AMN1: variants seen among roughly 807,000 people sequenced by gnomAD.
AMN1 encodes the protein antagonist of mitotic exit network 1 homolog.
A neutral mutation model predicts 33.0 loss-of-function variants in AMN1; 20 were observed. The observed-to-expected ratio is 0.61, with a 90% CI of 0.43 to 0.88. The LOEUF (loss-of-function observed/expected upper bound fraction) is 0.88, where lower values mean the gene tolerates loss of function less well. Ranked by LOEUF, AMN1 falls within the 40% of genes least tolerant of loss-of-function variation. The probability of loss-of-function intolerance (pLI) is 0.00; values close to 1 mark genes in which losing one functional copy is unlikely to be tolerated. For missense variants in AMN1, 246 were observed against 307.4 expected (o/e 0.80, Z 1.49); for synonymous variants, 114 against 111.9 (o/e 1.02, Z -0.12).
intron 1 of AMN1, among the ~76,000 whole-genome samples, chr12:31,719,657 T>C (rs953221558): frequency 6.6e-6 from 1 of 152,186 alleles, no homozygotes; most frequent in East Asian, 1.9e-4. Context: ...AGAGTAGGCA[T>C]GTAATTTGGT....
chr12:31,725,469 T>C (rs529460998), intron 1 of AMN1, among the ~76,000 whole-genome samples: 1 of 152,318 alleles, frequency 6.6e-6, no homozygotes, highest in East Asian at 1.9e-4. Flanking sequence ...AAACAACCTA[T>C]TACTATTTGG....
intron 6 of AMN1, among the ~76,000 whole-genome samples, chr12:31,681,907 A>C (rs1023140857): frequency 4.0e-5 from 6 of 151,780 alleles, no homozygotes; most frequent in Admixed American, 1.3e-4. Flanking sequence ...AAACTCCTGC[A>C]TTCAAGCGAT....
At chr12:31,722,853 A>T (rs2139732444) in intron 1 of AMN1, among the ~76,000 whole-genome samples, 1 of 152,276 alleles carries the variant, frequency 6.6e-6, no homozygotes, top group Non-Finnish European at 1.5e-5. Flanking sequence ...GCCAGCTGCT[A>T]GTTTTCAGAA....
At chr12:31,685,226 A>C (rs1319252510) in intron 6 of AMN1, among the ~76,000 whole-genome samples, 1 of 151,766 alleles carries the variant, frequency 6.6e-6, no homozygotes, top group Non-Finnish European at 1.5e-5. Context: ...ACAGGGTTTC[A>C]CCATGTTGGC....
intron 1 of AMN1, among the ~76,000 whole-genome samples, chr12:31,720,252 C>A (rs994401996): frequency 1.3e-5 from 2 of 152,192 alleles, no homozygotes; most frequent in Non-Finnish European, 2.9e-5. Flanking sequence ...ATTAAGAAGT[C>A]AGTCCCTGCC....
chr12:31,685,538 C>T (rs572163526), intron 6 of AMN1, among the ~76,000 whole-genome samples: 1 of 152,208 alleles, frequency 6.6e-6, no homozygotes, highest in Non-Finnish European at 1.5e-5. Flanking sequence ...TGGTAGCTCA[C>T]GCTTGTAATC....
chr12:31,686,931 C>A (rs1938288533), intron 6 of AMN1, among the ~76,000 whole-genome samples: 1 of 152,168 alleles, frequency 6.6e-6, no homozygotes, highest in African/African-American at 2.4e-5. Flanking sequence ...AAAGGGTATA[C>A]AATGACATTT....
At chr12:31,679,784 G>A (rs1937912861) in intron 6 of AMN1, among the ~76,000 whole-genome samples, 1 of 152,120 alleles carries the variant, frequency 6.6e-6, no homozygotes, top group South Asian at 2.1e-4. Context: ...GGTATGTGAG[G>A]TGAACTTACT....
At chr12:31,699,361 A>C (rs1219863175) in intron 3 of AMN1, among the ~76,000 whole-genome samples, 2 of 137,126 alleles carry the variant, frequency 1.5e-5, no homozygotes, top group Admixed American at 1.6e-4. Flanking sequence ...GCACCACTAC[A>C]CTCAAGCCTG....
intron 5 of AMN1, among the ~76,000 whole-genome samples, chr12:31,696,274 A>T (rs529132744): frequency 8.3e-4 from 74 of 89,580 alleles, no homozygotes; most frequent in Admixed American, 2.0e-3. Context: ...AAATTAAAAT[A>T]AAAAAGTATT....
At chr12:31,724,173 T>C (rs76430068) in intron 1 of AMN1, among the ~76,000 whole-genome samples, 4,213 of 152,266 alleles carry the variant, frequency 0.028, 331 homozygotes, top group East Asian at 0.27. Context: ...AAGTTTAATA[T>C]ATAAATTAGG....
intron 5 of AMN1, among the ~76,000 whole-genome samples, chr12:31,696,856 G>A (rs1435243614): frequency 1.3e-5 from 2 of 151,710 alleles, no homozygotes; most frequent in Non-Finnish European, 2.9e-5. Flanking sequence ...GGGAGGTGGA[G>A]GTTCCAGTGA....
At position 31,671,339 on chromosome 12, in the gene AMN1, C is replaced by A. The variant is rs956789555; in HGVS notation, c.*965G>T. ...ATGGAGTTGAATAAGTACCCCCCAACATATACAAGAAAGTTAGCATACTTA... is the reference window on the plus strand; with the variant it reads ...ATGGAGTTGAATAAGTACCCCCCAAAATATACAAGAAAGTTAGCATACTTA... On this transcript the variant is annotated 3_prime_UTR_variant, in exon 7 of 7. Transcript: ENST00000281471. The A allele has an allele frequency of 6.6e-6, 1 of 152,150 alleles. No individual in the cohort carries two copies. The highest frequency in any genetic ancestry group is 2.4e-5 in the African/African-American group (1 of 41,418). 9.4% of individuals were successfully genotyped at this position (152,150 alleles called of 1,614,324 possible).
intron 3 of AMN1, among the ~76,000 whole-genome samples, chr12:31,701,371 T>C (rs1209836569): frequency 1.3e-5 from 2 of 151,882 alleles, no homozygotes; most frequent in African/African-American, 2.4e-5. Context: ...TCTCAGCTCA[T>C]TGCAACTGCT....
chr12:31,699,724 T>C (rs1260580007), intron 3 of AMN1, among the ~76,000 whole-genome samples: 1 of 152,206 alleles, frequency 6.6e-6, no homozygotes, highest in East Asian at 1.9e-4. Flanking sequence ...ATGGAAACCC[T>C]CCATTTATAG....
At position 31,671,569 on chromosome 12, in the gene AMN1, G is replaced by C. The variant is rs1246797158; in HGVS notation, c.*735C>G. ...ACAATGTGAAATCAATAAACCTGAG[G>C]ATACAAGTCTCTGTAGTGATATTCT... On this transcript the variant is annotated 3_prime_UTR_variant, in exon 7 of 7. Coordinates refer to ENST00000281471, the MANE Select transcript of AMN1 (RefSeq NM_001113402.2). The C allele has an allele frequency of 6.6e-6, 1 of 152,116 alleles. No homozygotes were observed. The allele number at this position is 152,116 out of a possible 1,614,324, so 9.4% of individuals were successfully genotyped here.
chr12:31,684,415 T>C (rs1247335689), intron 6 of AMN1, among the ~76,000 whole-genome samples: 1 of 152,032 alleles, frequency 6.6e-6, no homozygotes, highest in African/African-American at 2.4e-5. Flanking sequence ...TCTGTTTTAA[T>C]AGAAATTTTA....
Position 31,728,871 on chromosome 12 carries a change from G to T in AMN1, c.38+100C>A, listed in dbSNP as rs367932878. ...CGGGGCCTCTTCAGAGGTCGGCGGGGGGGGTGGGAAAGGGGCGGGGAGGAA... is the reference window on the plus strand; with the variant it reads ...CGGGGCCTCTTCAGAGGTCGGCGGGTGGGGTGGGAAAGGGGCGGGGAGGAA... On this transcript the variant is annotated intron_variant, in intron 1 of 6. Transcript: ENST00000281471. 2.0e-4 allele frequency: 271 copies of T among 1,356,572 alleles called. 3 individuals are homozygous for T. The East Asian group carries it at 6.3e-3, about 31-fold the overall frequency. 84.0% of individuals were successfully genotyped at this position (1,356,572 alleles called of 1,614,324 possible).
Position 31,707,994 on chromosome 12 carries a change from C to G in AMN1, c.171+1299G>C, listed in dbSNP as rs1682149112. Among the ~76,000 whole-genome samples the G allele has an allele frequency of 2.0e-5, 3 of 152,194 alleles. No individual in the cohort carries two copies. The South Asian group carries it at 6.2e-4, about 31-fold the overall frequency. On this transcript the variant is annotated intron_variant, in intron 2 of 6. Transcript: ENST00000281471. ...CATAAACTGAGGATGTACGTCACCT[C>G]TGGACCACTGTGATGATTGCATTAA...
Sources: allele counts gnomAD v4.1 joint callset (sites outside exome capture counted in the v4.1 genomes callset), GRCh38; gene constraint gnomAD v4.1.1; transcripts MANE v1.5; gene names NCBI Gene and HGNC (gene_info 2026-07-23, HGNC 2026-07-21).